Variants in ZMIZ2 observed in about 807,000 individuals in gnomAD.
ZMIZ2 encodes the protein zinc finger MIZ domain-containing protein 2.
A neutral mutation model predicts 93.9 loss-of-function variants in ZMIZ2; 26 were observed. The observed-to-expected ratio is 0.28, with a 90% confidence interval of 0.20 to 0.38. ZMIZ2 has a LOEUF of 0.38. Among genes scored for constraint, ZMIZ2 ranks in the 10% least tolerant of loss-of-function variants. The pLI, the probability that ZMIZ2 is intolerant of heterozygous loss-of-function variation, is 1.00. For missense variants in ZMIZ2, 1,023 were observed against 1,235.0 expected (o/e 0.83, Z 2.57); for synonymous variants, 485 against 516.4 (o/e 0.94, Z 0.82).
chr7:44,767,298 C>G (rs951111817), intron 18 of ZMIZ2, among the ~76,000 whole-genome samples: 2 of 152,156 alleles, frequency 1.3e-5, no homozygotes, highest in African/African-American at 2.4e-5. Context: ...TGTTCTGGCC[C>G]CAGAGCAACC....
chr7:44,753,239 CTTTT>C (rs1328790428), intron 1 of ZMIZ2, among the ~76,000 whole-genome samples: 1 of 141,728 alleles, frequency 7.1e-6, no homozygotes, highest in African/African-American at 2.6e-5. Context: ...TTTGAGAATT[CTTTT>C]TTTGTTTTGT....
intron 7 of ZMIZ2, chr7:44,759,688 C>T (rs1042101414): frequency 3.7e-5 from 17 of 454,508 alleles, no homozygotes; most frequent in African/African-American, 2.4e-4. Flanking sequence ...GATCCAGTTC[C>T]GAAAGGACCC....
Position 44,756,238 on chromosome 7 carries a change from G to A in ZMIZ2, c.-12G>A. Reference sequence around the variant, plus strand: ...AACTGTCAGACCCGGCCTGTAGGCTGCTCCATTGCCAATGAACTCCATGAA... The same window carrying A: ...AACTGTCAGACCCGGCCTGTAGGCTACTCCATTGCCAATGAACTCCATGAA... On this transcript the variant is annotated 5_prime_UTR_variant, in exon 2 of 19. Transcript: ENST00000309315. The A allele has an allele frequency of 5.0e-6, 8 of 1,614,024 alleles. No individual in the cohort carries two copies. The highest frequency in any genetic ancestry group is 6.8e-6 in the Non-Finnish European group (8 of 1,180,002).
chr7:44,748,879 G>C lies in ZMIZ2; in HGVS notation c.-175G>C, dbSNP rs907149823. 6.8e-6 allele frequency: 1 copy of C among 148,142 alleles called. No homozygotes were observed. Among genetic ancestry groups the C allele is most frequent in the African/African-American group, 2.4e-5 (1 of 40,928 alleles). 9.2% of individuals were successfully genotyped at this position (148,142 alleles called of 1,614,324 possible). On this transcript the variant is annotated 5_prime_UTR_variant, in exon 1 of 19. Coordinates refer to ENST00000309315, the MANE Select transcript of ZMIZ2 (RefSeq NM_031449.4). ...CCTCGGAGCGGGCGGCGGCGCGATG[G>C]CGCGGGTGGCGGCGGCCCCGGGGCG... is the stretch of plus-strand genomic sequence containing the variant.
rs760072165 is a variant in ZMIZ2, at chr7:44,766,724, G to C, written c.2655+61G>C. On this transcript the variant is annotated intron_variant, in intron 18 of 18. Coordinates refer to ENST00000309315, the MANE Select transcript of ZMIZ2 (RefSeq NM_031449.4). This position sits in a 1 kb window ranked among gnomAD's most constrained non-coding sequence, Gnocchi z 4.4. ...AGCCAGGGCTAGAGGTGGTGTGTCTGTTCCAGGTGCGTTCTGGAAGGGAAG... is the reference window on the plus strand; with the variant it reads ...AGCCAGGGCTAGAGGTGGTGTGTCTCTTCCAGGTGCGTTCTGGAAGGGAAG... 1.9e-5 allele frequency: 30 copies of C among 1,590,620 alleles called. No homozygotes were observed. Among genetic ancestry groups the C allele is most frequent in the Non-Finnish European group, 2.3e-5 (27 of 1,165,578 alleles).
rs749214486 is a variant in ZMIZ2 at position 44,766,157 on chromosome 7, C to T, written c.2243-7C>T. On this transcript the variant is annotated splice_polypyrimidine_tract_variant and splice_region_variant and intron_variant, in intron 16 of 18. Coordinates refer to ENST00000309315, the MANE Select transcript of ZMIZ2 (RefSeq NM_031449.4). The surrounding 1 kb of genome is among the most constrained non-coding windows in gnomAD (Gnocchi z 4.4). ...CCCTCACCCAGGCCCCGACTCTCCT[C>T]TCACAGGTTCCAGCTTCCTGGGGCC... The T allele has an allele frequency of 8.7e-6, 14 of 1,609,728 alleles. No homozygotes were observed. The South Asian group carries it at 1.1e-4, about 13-fold the overall frequency.
At chr7:44,757,667 G>T in intron 5 of ZMIZ2, 106 bp downstream of exon 5, 1 of 1,462,472 alleles carries the variant, frequency 6.8e-7, no homozygotes. Flanking sequence ...AATATGCCAG[G>T]GCTCATGAAG....
intron 1 of ZMIZ2, 129 bp downstream of exon 1, chr7:44,749,120 C>A: frequency 6.6e-6 from 1 of 152,070 alleles, no homozygotes; most frequent in South Asian, 2.0e-4. Context: ...GCTGGTCGCC[C>A]GGGGCGCCCC....
At position 44,766,694 on chromosome 7, in the gene ZMIZ2, G is replaced by T; in HGVS notation, c.2655+31G>T. On this transcript the variant is annotated intron_variant, in intron 18 of 18. Coordinates refer to ENST00000309315, the MANE Select transcript of ZMIZ2 (RefSeq NM_031449.4). This position sits in a 1 kb window ranked among gnomAD's most constrained non-coding sequence, Gnocchi z 4.4. Reference sequence around the variant, plus strand: ...TACCAGGCCCCATGCGGGGGAGTGCGTGGGAGCCAGGGCTAGAGGTGGTGT... The same window carrying T: ...TACCAGGCCCCATGCGGGGGAGTGCTTGGGAGCCAGGGCTAGAGGTGGTGT... 6.2e-7 allele frequency: 1 copy of T among 1,608,310 alleles called. No individual in the cohort carries two copies. The highest frequency in any genetic ancestry group is 8.5e-7 in the Non-Finnish European group (1 of 1,176,622).
intron 9 of ZMIZ2, among the ~76,000 whole-genome samples, chr7:44,760,810 C>A (rs1051137605): frequency 6.7e-6 from 1 of 148,462 alleles, no homozygotes; most frequent in Non-Finnish European, 1.5e-5. Context: ...GATCTTGCCA[C>A]TGCACTTCAA....
At chr7:44,764,292 G>A (rs577091420) in intron 13 of ZMIZ2, 127 bp from the exon 14 acceptor site, 71 of 829,670 alleles carry the variant, frequency 8.6e-5, no homozygotes, top group Non-Finnish European at 1.3e-4. Flanking sequence ...GTGAAAACCT[G>A]GTACATGCAG....
intron 1 of ZMIZ2, among the ~76,000 whole-genome samples, chr7:44,751,390 A>C (rs967191435): frequency 1.6e-4 from 24 of 152,342 alleles, no homozygotes; most frequent in Non-Finnish European, 3.2e-4. Flanking sequence ...ACCAGCTGCG[A>C]GCTGGTTTTG....
Position 44,765,468 on chromosome 7 carries a change from G to A in ZMIZ2, c.2131G>A (p.Val711Met), listed in dbSNP as rs750485288. 12 of 1,604,266 alleles carry A rather than the reference G, an allele frequency of 7.5e-6. No homozygotes were observed. Among genetic ancestry groups the A allele is most frequent in the South Asian group, 2.2e-5 (2 of 91,076 alleles). ...CTGCCGCACCGTGAGCCCCGCCCAC[G>A]TGCTCATGCCCAGCGTGATGGAGAT... Reference protein sequence around the residue: ...KRCRTVSPAHVLMPSVMEMIA... With the variant: ...KRCRTVSPAHMLMPSVMEMIA... The change falls in exon 16 of 19, where the codon GTG becomes ATG. Residue 711 changes from valine (V) to methionine (M), a missense_variant. Val to Met is a conservative substitution (Grantham distance 21). Around this residue, in one of 3 missense-constraint regions of ZMIZ2, gnomAD observed 319 missense variants for 358.8 expected, o/e 0.89. Coordinates refer to ENST00000309315, the MANE Select transcript of ZMIZ2 (RefSeq NM_031449.4). This position sits in a 1 kb window ranked among gnomAD's most constrained non-coding sequence, Gnocchi z 4.1.
intron 7 of ZMIZ2, 27 bp downstream of exon 7, chr7:44,759,487 G>C (rs1222544081): frequency 6.9e-7 from 1 of 1,441,178 alleles, no homozygotes; most frequent in Non-Finnish European, 9.1e-7. Flanking sequence ...CAGGCCCTGT[G>C]CCGGGCTCCG....
rs1244362391 is a variant in ZMIZ2 at position 44,759,427 on chromosome 7, G to A, written c.960G>A (p.Leu320=). The change falls in exon 7 of 19, where the codon CTG becomes CTA. Residue 320 remains leucine, a synonymous_variant. Coordinates refer to ENST00000309315, the MANE Select transcript of ZMIZ2 (RefSeq NM_031449.4). ...TGCAGCAGGGCATGACCCAGTCCCT[G>A]TCCGTGCCTGGCCCCACGGGACTGC... ...LPLQQGMTQS[L]SVPGPTGLHY... 6.3e-7 allele frequency: 1 copy of A among 1,585,248 alleles called. No homozygotes were observed. Among genetic ancestry groups the A allele is most frequent in the Non-Finnish European group, 8.6e-7 (1 of 1,166,000 alleles).
At chr7:44,751,314 A>G (rs1376333481) in intron 1 of ZMIZ2, among the ~76,000 whole-genome samples, 1 of 152,266 alleles carries the variant, frequency 6.6e-6, no homozygotes, top group South Asian at 2.1e-4. Flanking sequence ...CAAACTTGTT[A>G]GAAATTCTGG....
chr7:44,766,551 T>C lies in ZMIZ2; in HGVS notation c.2543T>C (p.Leu848Ser). 1 of 1,613,980 alleles carries C rather than the reference T, an allele frequency of 6.2e-7. No homozygotes were observed. Among genetic ancestry groups the C allele is most frequent in the Non-Finnish European group, 8.5e-7 (1 of 1,180,034 alleles). ...CCTCCCCCAGCGTCCCGGCAGTCCT[T>C]GGGCCAAGCGAGCTTAGGACCTACG... ...SNPPPASRQS[L>S]GQASLGPTGE... Residue 848 changes from leucine to serine, a missense_variant, in exon 18 of 19, where the codon TTG becomes TCG. This residue lies in a region of ZMIZ2 where 319 missense variants were observed against 358.8 expected (regional missense o/e 0.89). Transcript: ENST00000309315. This position sits in a 1 kb window ranked among gnomAD's most constrained non-coding sequence, Gnocchi z 4.4.
At position 44,761,017 on chromosome 7, in the gene ZMIZ2, C is replaced by T. The variant is rs1166525744; in HGVS notation, c.1240+424C>T. ...ATATAATTTCAGGGGATTTATGAAC[C>T]CCGGAAGCCCATTCCAGGGAGACCA... On this transcript the variant is annotated intron_variant, in intron 9 of 18. Transcript: ENST00000309315. The surrounding 1 kb of genome is among the most constrained non-coding windows in gnomAD (Gnocchi z 5.8). Among the ~76,000 whole-genome samples the T allele has an allele frequency of 6.6e-6, 1 of 152,058 alleles. No homozygotes were observed. The highest frequency in any genetic ancestry group is 1.5e-5 in the Non-Finnish European group (1 of 68,032).
Position 44,768,023 on chromosome 7 carries a change from A to C in ZMIZ2, c.*400A>C. ...CAGCATTGATCCTTCTGTTTCAACA[A>C]CTCCTCCACTGGGCAGAGCTGGGCA... On this transcript the variant is annotated 3_prime_UTR_variant, in exon 19 of 19. Transcript: ENST00000309315. 3.9e-6 allele frequency: 1 copy of C among 256,530 alleles called. No homozygotes were observed. Among genetic ancestry groups the C allele is most frequent in the Non-Finnish European group, 7.7e-6 (1 of 130,166 alleles). 15.9% of individuals were successfully genotyped at this position (256,530 alleles called of 1,614,324 possible). A position where few individuals can be genotyped will look rare whatever the true frequency, so the allele number is the denominator to read the frequency against.
Sources: gnomAD v4.1 joint callset for allele counts (sites outside exome capture counted in the v4.1 genomes callset) on GRCh38, gnomAD v4.1.1 for gene constraint, gnomAD v4.1.1 regional missense constraint, Gnocchi (gnomAD v3.1) non-coding constraint, MANE v1.5 for transcripts, NCBI Gene and HGNC (gene_info 2026-07-23, HGNC 2026-07-21) for gene names.